Variants in STK39 observed in about 807,000 individuals in gnomAD.
The protein encoded by STK39 is serine/threonine kinase 39.
STK39 carries 20 observed loss-of-function variants against 77.8 expected under a neutral mutation model. The ratio of observed to expected loss-of-function variants is 0.26; its 90% CI spans 0.18 to 0.37. The LOEUF (loss-of-function observed/expected upper bound fraction) is 0.37. Among genes scored for constraint, STK39 ranks in the 10% least tolerant of loss-of-function variants. The pLI is 1.00. For synonymous variants in STK39, 246 were observed against 234.1 expected, an observed-to-expected ratio of 1.05 and a Z score of -0.47; for missense variants, 479 against 656.5, an observed-to-expected ratio of 0.73 and a Z score of 2.95.
intron 10 of STK39, among the ~76,000 whole-genome samples, chr2:168,097,213 T>A (rs1686694189): frequency 6.6e-6 from 1 of 152,220 alleles, no homozygotes; most frequent in Non-Finnish European, 1.5e-5. Context: ...CCTTTAATAT[T>A]TCAGACAGAT....
chr2:167,976,135 T>C (rs1683270610), intron 16 of STK39, among the ~76,000 whole-genome samples: 1 of 152,236 alleles, frequency 6.6e-6, no homozygotes. Context: ...GGACACAGTA[T>C]AGTCACCTTA....
intron 1 of STK39, among the ~76,000 whole-genome samples, chr2:168,230,686 T>C (rs1218702705): frequency 6.6e-6 from 1 of 152,174 alleles, no homozygotes. Flanking sequence ...AGCCTTTCAG[T>C]CTGTCAGAGG....
intron 10 of STK39, among the ~76,000 whole-genome samples, chr2:168,121,929 T>C (rs1170014074): frequency 1.3e-5 from 2 of 152,214 alleles, no homozygotes; most frequent in Admixed American, 1.3e-4. Flanking sequence ...GATACAGATA[T>C]AGCTCTTGCT....
chr2:168,185,314 G>A (rs1412060755), intron 1 of STK39, among the ~76,000 whole-genome samples: 2 of 152,098 alleles, frequency 1.3e-5, no homozygotes, highest in Admixed American at 1.3e-4. Flanking sequence ...AAGTTAAGTG[G>A]GCACGGCTTT....
intron 2 of STK39, among the ~76,000 whole-genome samples, chr2:168,177,280 C>T (rs370155615): frequency 3.9e-5 from 6 of 151,910 alleles, no homozygotes; most frequent in Non-Finnish European, 7.4e-5. Context: ...GCCTCGTCCC[C>T]GGGCCATGAT....
At chr2:168,146,227 T>G (rs1007028173) in intron 5 of STK39, among the ~76,000 whole-genome samples, 5 of 152,226 alleles carry the variant, frequency 3.3e-5, no homozygotes, top group African/African-American at 9.7e-5. Context: ...GAGAACTGTT[T>G]AGGGGCTTGC....
chr2:168,221,691 T>C (rs952445994), intron 1 of STK39, among the ~76,000 whole-genome samples: 1 of 152,184 alleles, frequency 6.6e-6, no homozygotes, highest in Non-Finnish European at 1.5e-5. Flanking sequence ...GGTATAATCA[T>C]TTCCCTGTTT....
chr2:168,134,673 C>T (rs1040081620), intron 8 of STK39, among the ~76,000 whole-genome samples: 3 of 152,122 alleles, frequency 2.0e-5, no homozygotes, highest in African/African-American at 4.8e-5. Flanking sequence ...CAGACTCAGA[C>T]GAACCAAAGG....
chr2:168,139,495 T>C (rs975181347), intron 7 of STK39, among the ~76,000 whole-genome samples: 14 of 151,716 alleles, frequency 9.2e-5, no homozygotes, highest in African/African-American at 3.2e-4. Context: ...GGATGATTGT[T>C]TTTCTTCTTT....
intron 14 of STK39, among the ~76,000 whole-genome samples, chr2:168,054,906 T>C (rs183003602): frequency 2.3e-4 from 35 of 152,364 alleles, no homozygotes; most frequent in African/African-American, 7.7e-4. Flanking sequence ...CTTAGTTTTA[T>C]CTCTCTTCTT....
chr2:168,038,502 G>A (rs189385206), intron 14 of STK39, among the ~76,000 whole-genome samples: 34 of 148,620 alleles, frequency 2.3e-4, no homozygotes, highest in African/African-American at 7.1e-4. Context: ...GAAAATCTTC[G>A]CAACCTAGAG....
chr2:168,233,932 G>A (rs187563391), intron 1 of STK39, among the ~76,000 whole-genome samples: 29 of 152,308 alleles, frequency 1.9e-4, no homozygotes, highest in Middle Eastern at 3.4e-3. Context: ...AATGAGGTAA[G>A]TCAGTAAGAT....
chr2:168,171,709 G>A (rs1453604795), intron 2 of STK39, among the ~76,000 whole-genome samples: 1 of 151,848 alleles, frequency 6.6e-6, no homozygotes, highest in Non-Finnish European at 1.5e-5. Flanking sequence ...GGCTGGTCTC[G>A]AGCTCCCAGG....
At chr2:167,973,851 T>A (rs1161569284) in intron 16 of STK39, among the ~76,000 whole-genome samples, 2 of 152,178 alleles carry the variant, frequency 1.3e-5, no homozygotes, top group Non-Finnish European at 2.9e-5. Flanking sequence ...ATTGACTAAA[T>A]TTAAAGGTGT....
At chr2:168,013,834 G>GTGTC (rs1464816392) in intron 15 of STK39, among the ~76,000 whole-genome samples, 7 of 85,792 alleles carry the variant, frequency 8.2e-5, no homozygotes, top group Middle Eastern at 6.5e-3. Context: ...GTGTGTGTGT[G>GTGTC]TATGTGTTTG....
chr2:168,120,390 C>A (rs538197783), intron 10 of STK39, among the ~76,000 whole-genome samples: 1 of 152,350 alleles, frequency 6.6e-6, no homozygotes, highest in East Asian at 1.9e-4. Flanking sequence ...GCCCACATAC[C>A]AAAGCGCTTA....
rs199693195 is a variant in STK39, at chr2:168,167,368, C to T, written c.361G>A (p.Val121Ile). The T allele has an allele frequency of 4.0e-5, 65 of 1,613,620 alleles. No homozygotes were observed. Among genetic ancestry groups the T allele is most frequent in the African/African-American group, 1.1e-4 (8 of 74,894 alleles). Reference protein sequence around the residue: ...QAMSQCSHPNVVTYYTSFVVK... With the variant: ...QAMSQCSHPNIVTYYTSFVVK... The stretch of plus-strand genomic sequence containing the variant: ...ACAAAAGAGGTGTAATAGGTCACTA[C>T]GTTGGGATGGCTGCACTGACTCATG... Residue 121 changes from valine to isoleucine, a missense_variant, in exon 3 of 18, where the codon GTA (valine) becomes ATA (isoleucine). Transcript: ENST00000355999.
chr2:168,239,410 C>T (rs1690701870), intron 1 of STK39, among the ~76,000 whole-genome samples: 1 of 152,214 alleles, frequency 6.6e-6, no homozygotes, highest in Non-Finnish European at 1.5e-5. Context: ...CCTCTCAGTC[C>T]TAAGACCTCA....
intron 10 of STK39, among the ~76,000 whole-genome samples, chr2:168,120,259 G>A (rs536466708): frequency 4.6e-4 from 70 of 152,302 alleles, no homozygotes; most frequent in African/African-American, 1.3e-3. Context: ...TAAATGTGAC[G>A]TAAGCATCTA....
Sources: allele counts gnomAD v4.1 joint callset (sites outside exome capture counted in the v4.1 genomes callset), GRCh38; gene constraint gnomAD v4.1.1; transcripts MANE v1.5; gene names NCBI Gene and HGNC (gene_info 2026-07-23, HGNC 2026-07-21).